PPARGC1A: variants seen among roughly 807,000 people sequenced by gnomAD.
PPARGC1A encodes peroxisome proliferator-activated receptor gamma coactivator 1-alpha.
In PPARGC1A, 25 loss-of-function variants were observed where a neutral mutation model predicts 88.7. That is an observed-to-expected ratio of 0.28 (90% CI 0.21 to 0.39). The LOEUF (loss-of-function observed/expected upper bound fraction) is 0.39, where lower values mean the gene tolerates loss of function less well. Among genes scored for constraint, PPARGC1A ranks in the 10% least tolerant of loss-of-function variants. The pLI, the probability that PPARGC1A is intolerant of heterozygous loss-of-function variation, is 1.00. For missense variants in PPARGC1A, 880 were observed against 968.7 expected (o/e 0.91, Z 1.22); for synonymous variants, 363 against 355.6 (o/e 1.02, Z -0.24).
At chr4:23,929,255 A>G in the PPARGC1A span, among the ~76,000 whole-genome samples, 2 of 152,242 alleles carry the variant, frequency 1.3e-5, no homozygotes, top group Non-Finnish European at 2.9e-5. Flanking sequence ...AAAGGACGCT[A>G]AAGTATTGCT....
the PPARGC1A span, among the ~76,000 whole-genome samples, chr4:24,061,610 T>A: frequency 1.3e-5 from 2 of 152,206 alleles, no homozygotes; most frequent in East Asian, 3.9e-4. Context: ...AATAGAACTA[T>A]GGGGAAGTGT....
the PPARGC1A span, among the ~76,000 whole-genome samples, chr4:24,210,872 T>C: frequency 4.9e-3 from 741 of 152,326 alleles, 30 homozygotes; most frequent in East Asian, 0.095. Flanking sequence ...AGTGGGAGCC[T>C]AGGAGATGCA....
the PPARGC1A span, among the ~76,000 whole-genome samples, chr4:24,183,700 C>T: frequency 6.6e-6 from 1 of 152,106 alleles, no homozygotes; most frequent in Admixed American, 6.5e-5. Flanking sequence ...TCTGCTCTTT[C>T]CTTCCCCTTC....
chr4:24,245,430 T>C, the PPARGC1A span, among the ~76,000 whole-genome samples: 1 of 152,218 alleles, frequency 6.6e-6, no homozygotes, highest in African/African-American at 2.4e-5. Flanking sequence ...CACAGTACAC[T>C]GAGTTCACAC....
the PPARGC1A span, among the ~76,000 whole-genome samples, chr4:24,028,469 G>T: frequency 6.6e-6 from 1 of 152,158 alleles, no homozygotes; most frequent in East Asian, 1.9e-4. Flanking sequence ...CCTTTGAGGA[G>T]ATGTCATTTA....
chr4:24,123,809 A>G, the PPARGC1A span, among the ~76,000 whole-genome samples: 5 of 151,542 alleles, frequency 3.3e-5, no homozygotes, highest in African/African-American at 1.2e-4. Context: ...TGCTCTTTTC[A>G]GATGGAGTGT....
the PPARGC1A span, among the ~76,000 whole-genome samples, chr4:24,159,022 C>T: frequency 6.6e-6 from 1 of 151,928 alleles, no homozygotes; most frequent in Non-Finnish European, 1.5e-5. Flanking sequence ...AATAACGGTA[C>T]TTAATATATT....
the PPARGC1A span, among the ~76,000 whole-genome samples, chr4:24,220,902 T>C: frequency 6.6e-6 from 1 of 152,190 alleles, no homozygotes; most frequent in African/African-American, 2.4e-5. Context: ...TGTCCATTTG[T>C]TTTACAATTC....
At chr4:24,233,878 G>A in the PPARGC1A span, among the ~76,000 whole-genome samples, 1,258 of 152,302 alleles carry the variant, frequency 8.3e-3, 91 homozygotes, top group East Asian at 0.17. Context: ...CCCAGCCTAA[G>A]AATTTATAAA....
At chr4:23,909,673 G>C in the PPARGC1A span, among the ~76,000 whole-genome samples, 3 of 151,802 alleles carry the variant, frequency 2.0e-5, no homozygotes, top group Non-Finnish European at 4.4e-5. Flanking sequence ...GGCAGAACCA[G>C]GCTGTGACAC....
At chr4:23,971,916 T>C in the PPARGC1A span, among the ~76,000 whole-genome samples, 239 of 152,240 alleles carry the variant, frequency 1.6e-3, 1 homozygote, top group Middle Eastern at 0.014. Flanking sequence ...GGTTGAGCTT[T>C]CTCTAAATTA....
the PPARGC1A span, among the ~76,000 whole-genome samples, chr4:24,397,144 A>G: frequency 6.6e-6 from 1 of 152,220 alleles, no homozygotes; most frequent in Non-Finnish European, 1.5e-5. Flanking sequence ...AAATTTCAGC[A>G]CACACTAGTA....
the PPARGC1A span, among the ~76,000 whole-genome samples, chr4:24,088,480 C>G: frequency 5.9e-5 from 9 of 152,126 alleles, no homozygotes; most frequent in African/African-American, 2.2e-4. Context: ...AAGGCGGGTA[C>G]AGGTTTCAAG....
intron 2 of PPARGC1A, among the ~76,000 whole-genome samples, chr4:23,877,473 G>C (rs1714990591): frequency 7.0e-6 from 1 of 143,690 alleles, no homozygotes; most frequent in African/African-American, 2.6e-5. Context: ...AGGAGGGGGA[G>C]GTTGCAGTGA....
At chr4:24,143,266 G>C in the PPARGC1A span, among the ~76,000 whole-genome samples, 3 of 152,154 alleles carry the variant, frequency 2.0e-5, no homozygotes, top group African/African-American at 7.2e-5. Context: ...GGATGTCATG[G>C]TGTAGGGACA....
At chr4:23,974,635 C>T in the PPARGC1A span, among the ~76,000 whole-genome samples, 2 of 150,038 alleles carry the variant, frequency 1.3e-5, no homozygotes, top group African/African-American at 2.4e-5. Flanking sequence ...TTTTTGTTGT[C>T]GTTGGTTTTT....
At chr4:24,268,054 T>G in the PPARGC1A span, among the ~76,000 whole-genome samples, 1 of 152,200 alleles carries the variant, frequency 6.6e-6, no homozygotes, top group Non-Finnish European at 1.5e-5. Flanking sequence ...TTGGAAGCAC[T>G]TGAAACAACA....
chr4:24,190,005 G>C, the PPARGC1A span, among the ~76,000 whole-genome samples: 18 of 152,250 alleles, frequency 1.2e-4, 2 homozygotes, highest in East Asian at 3.5e-3. Context: ...ATAAATTCTT[G>C]CTAACGTAGT....
the PPARGC1A span, among the ~76,000 whole-genome samples, chr4:24,197,260 A>G: frequency 2.0e-5 from 3 of 152,214 alleles, no homozygotes; most frequent in African/African-American, 7.2e-5. Flanking sequence ...ACAACCTGCC[A>G]TCTACCTTTT....
Sources: gnomAD v4.1 joint callset for allele counts (sites outside exome capture counted in the v4.1 genomes callset) on GRCh38, gnomAD v4.1.1 for gene constraint, MANE v1.5 for transcripts, NCBI Gene and HGNC (gene_info 2026-07-23, HGNC 2026-07-21) for gene names.